Variants in NRXN3 observed in about 807,000 individuals in gnomAD.
NRXN3 encodes neurexin 3.
In NRXN3, 32 loss-of-function variants were observed where a neutral mutation model predicts 137.6. That is an observed-to-expected ratio of 0.23 (90% CI 0.18 to 0.31). The LOEUF (loss-of-function observed/expected upper bound fraction) is 0.31, where lower values mean the gene tolerates loss of function less well. Among genes scored for constraint, NRXN3 ranks in the 10% least tolerant of loss-of-function variants. The pLI is 1.00. For synonymous variants in NRXN3, 798 were observed against 784.5 expected (o/e 1.02, Z -0.29); for missense variants, 1,574 against 2,062.5 (o/e 0.76, Z 4.59).
chr14:79,784,505 T>C (rs1041724076), intron 19 of NRXN3, among the ~76,000 whole-genome samples: 4 of 151,956 alleles, frequency 2.6e-5, no homozygotes, highest in African/African-American at 4.8e-5. Flanking sequence ...CCTTGTATCA[T>C]ATAGGACTGA....
chr14:78,186,740 G>T (rs1410357624), intron 1 of NRXN3, among the ~76,000 whole-genome samples: 3 of 150,760 alleles, frequency 2.0e-5, no homozygotes. Flanking sequence ...TGGATCTGTT[G>T]GGGTGGCTGA....
At chr14:79,419,381 A>G (rs551678399) in intron 15 of NRXN3, among the ~76,000 whole-genome samples, 1 of 152,326 alleles carries the variant, frequency 6.6e-6, no homozygotes, top group African/African-American at 2.4e-5. Flanking sequence ...CCTTAGGTTT[A>G]GAAAAGTCGT....
chr14:78,227,594 C>G (rs533391683), intron 1 of NRXN3, among the ~76,000 whole-genome samples: 12 of 152,206 alleles, frequency 7.9e-5, no homozygotes, highest in Admixed American at 2.6e-4. Context: ...GCCTAGGGCT[C>G]TCACCAGAGC....
intron 15 of NRXN3, among the ~76,000 whole-genome samples, chr14:79,238,630 C>CT (rs1201909538): frequency 2.0e-5 from 3 of 151,912 alleles, no homozygotes; most frequent in African/African-American, 7.3e-5. Context: ...TCTTAATTTT[C>CT]TTTTTTACAA....
At position 79,251,606 on chromosome 14, in the gene NRXN3, T is replaced by C. The variant is rs77898975; in HGVS notation, c.3263-215615T>C. ...TGACATCACAGATATAGATCTGGGG[T>C]TCCTCCACTTAGAGGAAGTAGCTGA... On this transcript the variant is annotated intron_variant, in intron 15 of 20. Transcript: ENST00000335750. Among the ~76,000 whole-genome samples, 1,088 of 152,036 alleles carry C rather than the reference T, an allele frequency of 7.2e-3. 16 individuals carry two copies. The highest frequency in any genetic ancestry group is 0.025 in the African/African-American group (1,027 of 41,464).
At chr14:79,546,610 G>A (rs530193126) in intron 16 of NRXN3, among the ~76,000 whole-genome samples, 1 of 152,228 alleles carries the variant, frequency 6.6e-6, no homozygotes, top group East Asian at 1.9e-4. Flanking sequence ...AAGAAGATGA[G>A]TTTTTAGAAA....
chr14:79,445,865 A>T (rs1160301221), intron 15 of NRXN3, among the ~76,000 whole-genome samples: 5 of 152,136 alleles, frequency 3.3e-5, no homozygotes, highest in Non-Finnish European at 7.4e-5. Context: ...TTTCATTCTA[A>T]GGCAATTGGA....
At chr14:78,796,032 A>G (rs1038724085) in intron 8 of NRXN3, among the ~76,000 whole-genome samples, 28 of 152,210 alleles carry the variant, frequency 1.8e-4, no homozygotes, top group African/African-American at 6.8e-4. Flanking sequence ...TCAACCCCAG[A>G]AGAGGCAGGC....
intron 15 of NRXN3, among the ~76,000 whole-genome samples, chr14:79,168,098 G>T (rs1470826289): frequency 5.3e-5 from 8 of 151,944 alleles, no homozygotes. Flanking sequence ...TGACTGTAAG[G>T]TCACCCTCCT....
Position 79,864,114 on chromosome 14 carries a change from A to G in NRXN3, c.*2150A>G, listed in dbSNP as rs1423256379. 2 of 152,636 alleles carry G rather than the reference A, an allele frequency of 1.3e-5. No individual in the cohort carries two copies. Among genetic ancestry groups the G allele is most frequent in the Non-Finnish European group, 2.9e-5 (2 of 68,028 alleles). 9.5% of individuals were successfully genotyped at this position (152,636 alleles called of 1,614,324 possible). On this transcript the variant is annotated 3_prime_UTR_variant, in exon 21 of 21. Transcript: ENST00000335750. ...AAGTTGATTATATCTCGATGTCTGTAAAAGATTGCTGTTCTTGGAGTCTTG... is the reference window on the plus strand; with the variant it reads ...AAGTTGATTATATCTCGATGTCTGTGAAAGATTGCTGTTCTTGGAGTCTTG...
chr14:79,785,079 T>C (rs1255087187), intron 19 of NRXN3, among the ~76,000 whole-genome samples: 3 of 152,200 alleles, frequency 2.0e-5, no homozygotes, highest in Non-Finnish European at 2.9e-5. Flanking sequence ...ATTCCATTCA[T>C]CTCTGAAGTG....
intron 16 of NRXN3, among the ~76,000 whole-genome samples, chr14:79,515,149 C>T (rs182105271): frequency 6.6e-6 from 1 of 150,594 alleles, no homozygotes; most frequent in African/African-American, 2.5e-5. Context: ...GACCTGTGGG[C>T]TAAGTTTAGC....
chr14:78,429,322 A>G (rs1598559456), intron 4 of NRXN3, among the ~76,000 whole-genome samples: 1 of 152,004 alleles, frequency 6.6e-6, no homozygotes, highest in African/African-American at 2.4e-5. Flanking sequence ...CAAGCAATCC[A>G]CCCGCCTCGG....
In NRXN3 at chr14:78,294,755, T is replaced by C. The variant is rs139998912; in HGVS notation, c.728-3076T>C. Among the ~76,000 whole-genome samples, 8 of 152,270 alleles carry C rather than the reference T, an allele frequency of 5.3e-5. No individual in the cohort carries two copies. The East Asian group carries it at 1.5e-3, about 29-fold the overall frequency. Reference sequence around the variant, plus strand: ...AGCACAGATGGAAATCAAACCTGGCTCTGAAGTCCTTGATCTTAACCCCCA... The same window carrying C: ...AGCACAGATGGAAATCAAACCTGGCCCTGAAGTCCTTGATCTTAACCCCCA... On this transcript the variant is annotated intron_variant, in intron 3 of 20. Transcript: ENST00000335750.
chr14:79,289,540 A>C (rs149440093), intron 15 of NRXN3, among the ~76,000 whole-genome samples: 53 of 152,268 alleles, frequency 3.5e-4, no homozygotes, highest in African/African-American at 1.2e-3. Flanking sequence ...GAATCACTTG[A>C]ACCTGGGAGG....
At chr14:79,187,097 A>G (rs1214281287) in intron 15 of NRXN3, among the ~76,000 whole-genome samples, 1 of 152,140 alleles carries the variant, frequency 6.6e-6, no homozygotes, top group Non-Finnish European at 1.5e-5. Flanking sequence ...TTCACCTAGA[A>G]CCAGCCTAAA....
chr14:78,450,495 C>G (rs1250380246), intron 4 of NRXN3, among the ~76,000 whole-genome samples: 1 of 152,168 alleles, frequency 6.6e-6, no homozygotes, highest in African/African-American at 2.4e-5. Context: ...CATTCCTCCC[C>G]TAAAGCCCTG....
At chr14:79,854,160 CA>C (rs1190526341) in intron 20 of NRXN3, 1 of 982,664 alleles carries the variant, frequency 1.0e-6, no homozygotes, top group Non-Finnish European at 1.2e-6. Context: ...CATTCTTACA[CA>C]ACTTTCTTTT....
chr14:78,591,984 T>C (rs1292153783), intron 4 of NRXN3, among the ~76,000 whole-genome samples: 1 of 152,304 alleles, frequency 6.6e-6, no homozygotes, highest in East Asian at 1.9e-4. Context: ...GCCTCAGACT[T>C]CTGAACTCAT....
Sources: gnomAD v4.1 joint callset for allele counts (sites outside exome capture counted in the v4.1 genomes callset) on GRCh38, gnomAD v4.1.1 for gene constraint, MANE v1.5 for transcripts, NCBI Gene and HGNC (gene_info 2026-07-23, HGNC 2026-07-21) for gene names.